Variants in CACNB2 observed in about 807,000 individuals in gnomAD.
CACNB2 encodes calcium voltage-gated channel auxiliary subunit beta 2, also known as voltage-dependent L-type calcium channel subunit beta-2.
CACNB2 carries 42 observed loss-of-function variants against 73.3 expected under a neutral mutation model. The observed-to-expected ratio is 0.57, with a 90% CI of 0.45 to 0.74. The LOEUF (loss-of-function observed/expected upper bound fraction) is 0.74. Among genes scored for constraint, CACNB2 ranks in the 30% least tolerant of loss-of-function variants. CACNB2 has a pLI of 0.00. For missense variants in CACNB2, 940 were observed against 853.0 expected (o/e 1.10, Z -1.27); for synonymous variants, 348 against 310.3 (o/e 1.12, Z -1.28).
intron 10 of CACNB2, among the ~76,000 whole-genome samples, chr10:18,530,487 A>T (rs1261174977): frequency 6.8e-6 from 1 of 147,826 alleles, no homozygotes; most frequent in Non-Finnish European, 1.5e-5. Flanking sequence ...ATATTATTAT[A>T]ATAAAATGCA....
At chr10:18,151,184 A>G in intron 2 of CACNB2, 1 of 504,430 alleles carries the variant, frequency 2.0e-6, no homozygotes, top group South Asian at 2.8e-5. Context: ...TGGCAAGTTG[A>G]GGAAAGAGAA....
intron 2 of CACNB2, among the ~76,000 whole-genome samples, chr10:18,174,004 T>C (rs1186405602): frequency 2.0e-5 from 3 of 152,184 alleles, no homozygotes; most frequent in Non-Finnish European, 2.9e-5. Flanking sequence ...CAAAAACTTA[T>C]AGAGAGTGAA....
intron 2 of CACNB2, among the ~76,000 whole-genome samples, chr10:18,400,083 A>G (rs917519999): frequency 6.6e-5 from 10 of 152,198 alleles, no homozygotes; most frequent in Admixed American, 5.9e-4. Flanking sequence ...GTTCGAAGTC[A>G]TTTTGAGCTC....
chr10:18,368,904 AAG>A lies in CACNB2; in HGVS notation c.214-33012_214-33011del, dbSNP rs1308340159. Reference sequence around the variant, plus strand: ...GCATGAGTCACTCTATTTAAAAAAAAAGAGAGAGAACCAGTCTGCACGTGACA... The same window carrying A: ...GCATGAGTCACTCTATTTAAAAAAAAAGAGAGAACCAGTCTGCACGTGACA... On this transcript the variant is annotated intron_variant, in intron 2 of 13. Transcript: ENST00000324631. Among the ~76,000 whole-genome samples, 7 of 152,190 alleles carry A rather than the reference AAG, an allele frequency of 4.6e-5. No individual in the cohort carries two copies. The South Asian group carries it at 6.2e-4, about 14-fold the overall frequency.
At chr10:18,144,714 A>G (rs1359526601) in intron 1 of CACNB2, among the ~76,000 whole-genome samples, 1 of 152,264 alleles carries the variant, frequency 6.6e-6, no homozygotes. Context: ...CATCTTCATT[A>G]GTAAATTTTA....
chr10:18,174,051 A>G (rs1246831283), intron 2 of CACNB2, among the ~76,000 whole-genome samples: 2 of 152,170 alleles, frequency 1.3e-5, no homozygotes, highest in Non-Finnish European at 2.9e-5. Context: ...ATAGAAACAG[A>G]CTGTTCTCTA....
intron 3 of CACNB2, among the ~76,000 whole-genome samples, chr10:18,486,588 G>A (rs1262166047): frequency 6.6e-6 from 1 of 152,292 alleles, no homozygotes; most frequent in Middle Eastern, 3.4e-3. Context: ...CGGCCAAAAA[G>A]CTGTCCACTA....
chr10:18,220,162 C>CAG lies in CACNB2; in HGVS notation c.213+69188_213+69189insGA, dbSNP rs1564353472. On this transcript the variant is annotated intron_variant, in intron 2 of 13. Transcript: ENST00000324631. ...ATATATATATATATATATACACACA[C>CAG]ACACACACACATACATATATATACA... 4.8e-4 allele frequency among the ~76,000 whole-genome samples: 31 copies of CAG among 64,428 alleles called. 1 individual carries two copies. Among genetic ancestry groups the CAG allele is most frequent in the African/African-American group, 4.7e-3 (30 of 6,404 alleles). 42.3% of individuals were successfully genotyped at this position (64,428 alleles called of 152,430 possible). A position where few individuals can be genotyped will look rare whatever the true frequency, so the allele number is the denominator to read the frequency against.
At chr10:18,397,443 C>T (rs1007773151) in intron 2 of CACNB2, among the ~76,000 whole-genome samples, 4 of 151,732 alleles carry the variant, frequency 2.6e-5, no homozygotes, top group Non-Finnish European at 5.9e-5. Context: ...CTAGCCTGGG[C>T]AACAGAGTGA....
chr10:18,514,602 T>C lies in CACNB2; in HGVS notation c.804+233T>C. ...ATTAGCATTAATTCCCACAGTTGTA[T>C]TAAATACAATCATTTCTGTCCCAAG... is the stretch of plus-strand genomic sequence containing the variant. On this transcript the variant is annotated intron_variant, in intron 7 of 13. Transcript: ENST00000324631. 5 of 1,517,734 alleles carry C rather than the reference T, an allele frequency of 3.3e-6. No homozygotes were observed. In the South Asian group the frequency reaches 4.5e-5, roughly 14 times the overall value. The allele number at this position is 1,517,734 out of a possible 1,614,324, so 94.0% of individuals were successfully genotyped here. A position where few individuals can be genotyped will look rare whatever the true frequency, so the allele number is the denominator to read the frequency against.
intron 2 of CACNB2, among the ~76,000 whole-genome samples, chr10:18,179,118 C>T (rs1337354641): frequency 2.0e-5 from 3 of 152,132 alleles, no homozygotes; most frequent in Non-Finnish European, 1.5e-5. Flanking sequence ...GCTTTTATTG[C>T]AATGTAAACT....
intron 2 of CACNB2, among the ~76,000 whole-genome samples, chr10:18,208,172 A>C (rs1003989234): frequency 1.3e-5 from 2 of 152,178 alleles, no homozygotes; most frequent in African/African-American, 4.8e-5. Context: ...AGGAGCTTCA[A>C]AAAGGCTGTT....
At chr10:18,379,749 C>A (rs554438357) in intron 2 of CACNB2, among the ~76,000 whole-genome samples, 1 of 152,284 alleles carries the variant, frequency 6.6e-6, no homozygotes, top group South Asian at 2.1e-4. Flanking sequence ...TGCAGTGATG[C>A]GATCATAGCA....
chr10:18,141,631 G>C (rs1175004563), intron 1 of CACNB2, among the ~76,000 whole-genome samples: 2 of 152,216 alleles, frequency 1.3e-5, no homozygotes, highest in African/African-American at 2.4e-5. Context: ...TGTGAAATTG[G>C]AGATGTCAGT....
chr10:18,441,810 T>G (rs534565736), intron 3 of CACNB2, among the ~76,000 whole-genome samples: 2 of 152,160 alleles, frequency 1.3e-5, no homozygotes, highest in African/African-American at 4.8e-5. Context: ...AATTTTTATA[T>G]TTTTAATAGA....
At chr10:18,414,194 C>T (rs2044801164) in intron 3 of CACNB2, among the ~76,000 whole-genome samples, 2 of 152,194 alleles carry the variant, frequency 1.3e-5, no homozygotes, top group African/African-American at 2.4e-5. Flanking sequence ...AGGCATGGGC[C>T]TTGTCTCCTG....
intron 2 of CACNB2, among the ~76,000 whole-genome samples, chr10:18,235,142 CAAAAA>C (rs34052926): frequency 3.0e-5 from 3 of 99,744 alleles, no homozygotes; most frequent in African/African-American, 6.1e-5. Context: ...GACTCTGTCT[CAAAAA>C]AAAAAAAAAA....
chr10:18,288,595 A>G (rs1042765560), intron 2 of CACNB2, among the ~76,000 whole-genome samples: 1 of 152,030 alleles, frequency 6.6e-6, no homozygotes, highest in African/African-American at 2.4e-5. Context: ...CAATTATTGA[A>G]CAACCATGAG....
At chr10:18,510,026 C>T (rs1473439513) in intron 6 of CACNB2, among the ~76,000 whole-genome samples, 1 of 152,156 alleles carries the variant, frequency 6.6e-6, no homozygotes, top group Non-Finnish European at 1.5e-5. Context: ...TGTAGCTGAA[C>T]AGATTTGAAA....
Sources: gnomAD v4.1 joint callset for allele counts (sites outside exome capture counted in the v4.1 genomes callset) on GRCh38, gnomAD v4.1.1 for gene constraint, MANE v1.5 for transcripts, NCBI Gene and HGNC (gene_info 2026-07-23, HGNC 2026-07-21) for gene names.